ALOX5: variants seen among roughly 807,000 people sequenced by gnomAD.
ALOX5 encodes the protein arachidonate 5-lipoxygenase.
A neutral mutation model predicts 87.9 loss-of-function variants in ALOX5; 64 were observed. That is an observed-to-expected ratio of 0.73 (90% CI 0.60 to 0.90). The LOEUF (loss-of-function observed/expected upper bound fraction) is 0.90. ALOX5 is among the 40% of genes least tolerant of loss of function. ALOX5 has a pLI of 0.00. For synonymous variants in ALOX5, 388 were observed against 355.1 expected (o/e 1.09, Z -1.04); for missense variants, 822 against 907.5 (o/e 0.91, Z 1.21).
At position 45,424,072 on chromosome 10, in the gene ALOX5, C is replaced by T. The variant is rs1241415476; in HGVS notation, c.586C>T (p.His196Tyr). ...GAACCTGTTCATCAACCGCTTCATG[C>T]ACATGTTCCAGTCTTCTTGGAATGA... ...MENLFINRFMHMFQSSWNDFA... is the reference protein window; with the variant it reads ...MENLFINRFMYMFQSSWNDFA... The change falls in exon 5 of 14, where the codon CAC (histidine) becomes TAC (tyrosine). Residue 196 changes from histidine to tyrosine, a missense_variant. Physicochemically the swap from His to Tyr is moderately conservative, Grantham distance 83. Transcript: ENST00000374391. 7 of 1,614,068 alleles carry T rather than the reference C, an allele frequency of 4.3e-6. No homozygotes were observed. The highest frequency in any genetic ancestry group is 2.2e-5 in the East Asian group (1 of 44,892).
chr10:45,382,424 C>T (rs1353040282), intron 1 of ALOX5, 59 bp from the exon 2 acceptor site: 8 of 1,586,948 alleles, frequency 5.0e-6, no homozygotes, highest in Non-Finnish European at 6.9e-6. Context: ...ATTCTTAACA[C>T]CTCCAGAACA....
chr10:45,388,898 T>C (rs1840095855), intron 2 of ALOX5, among the ~76,000 whole-genome samples: 1 of 152,102 alleles, frequency 6.6e-6, no homozygotes, highest in African/African-American at 2.4e-5. Context: ...TTCTCCCAGC[T>C]AAAGAAGGAA....
rs1342015447 is a variant in ALOX5, at chr10:45,416,314, C to T, written c.554+4001C>T. Among the ~76,000 whole-genome samples the T allele has an allele frequency of 3.3e-5, 5 of 152,124 alleles. No homozygotes were observed. In the East Asian group the frequency reaches 9.6e-4, roughly 29 times the overall value. ...GCAAAACCAGGATTTGAATCCAGGT[C>T]TGTTTGTGTCCAAAGCTGGGGCATT... On this transcript the variant is annotated intron_variant, in intron 4 of 13. Transcript: ENST00000374391.
chr10:45,387,453 T>C (rs930635913), intron 2 of ALOX5, among the ~76,000 whole-genome samples: 1 of 152,194 alleles, frequency 6.6e-6, no homozygotes, highest in Admixed American at 6.5e-5. Flanking sequence ...AGGAGTAAAC[T>C]ATTCTGCAGT....
At chr10:45,442,807 C>T in intron 9 of ALOX5, 1 of 542,818 alleles carries the variant, frequency 1.8e-6, no homozygotes, top group Non-Finnish European at 3.2e-6. Flanking sequence ...TCTGCAGCCC[C>T]ACGGTTCAGT....
At chr10:45,408,328 CATGTAAGATGGACAGT>C (rs1197736229) in intron 3 of ALOX5, among the ~76,000 whole-genome samples, 2 of 152,098 alleles carry the variant, frequency 1.3e-5, no homozygotes, top group African/African-American at 4.8e-5. Flanking sequence ...TCAGTCAATA[CATGTAAGATGGACAGT>C]GGTTTGGTTT....
intron 2 of ALOX5, among the ~76,000 whole-genome samples, chr10:45,388,923 C>CA (rs142222808): frequency 0.022 from 3,414 of 151,938 alleles, 123 homozygotes; most frequent in African/African-American, 0.078. Context: ...GAACCCATCG[C>CA]AAAAAAAGCT....
chr10:45,395,865 C>T lies in ALOX5; in HGVS notation c.360C>T (p.Ala120=). The stretch of plus-strand genomic sequence containing the variant: ...GTTCTTTCTTTACAGCAAAGTTGGC[C>T]CGAGATGACCAAATTCACATTCTCA... ...VVLRDGRAKL[A]RDDQIHILKQ... The change falls in exon 3 of 14, where the codon GCC becomes GCT. Residue 120 remains alanine, a synonymous_variant. Coordinates refer to ENST00000374391, the MANE Select transcript of ALOX5 (RefSeq NM_000698.5). 6.2e-7 allele frequency: 1 copy of T among 1,614,142 alleles called. No individual in the cohort carries two copies. Among genetic ancestry groups the T allele is most frequent in the Non-Finnish European group, 8.5e-7 (1 of 1,180,022 alleles).
At chr10:45,417,194 G>A (rs554258057) in intron 4 of ALOX5, among the ~76,000 whole-genome samples, 1 of 152,192 alleles carries the variant, frequency 6.6e-6, no homozygotes, top group East Asian at 1.9e-4. Flanking sequence ...CACCTATCCT[G>A]TGGTATAGAA....
At chr10:45,412,414 G>A in intron 4 of ALOX5, 101 bp downstream of exon 4, 1 of 1,486,756 alleles carries the variant, frequency 6.7e-7, no homozygotes. Flanking sequence ...TGGGTTGGGG[G>A]AACAGCCTAG....
intron 1 of ALOX5, among the ~76,000 whole-genome samples, chr10:45,380,770 T>C (rs1382624657): frequency 2.0e-5 from 3 of 152,222 alleles, no homozygotes; most frequent in African/African-American, 7.2e-5. Flanking sequence ...GGTGAAACCC[T>C]GTCTCTACTG....
intron 7 of ALOX5, among the ~76,000 whole-genome samples, chr10:45,430,422 G>A (rs994865506): frequency 3.3e-5 from 5 of 151,330 alleles, no homozygotes; most frequent in Non-Finnish European, 7.4e-5. Context: ...TGGAAAAAAA[G>A]AGATAGAAAA....
chr10:45,424,556 C>A (rs1165752477), intron 5 of ALOX5, among the ~76,000 whole-genome samples: 1 of 152,198 alleles, frequency 6.6e-6, no homozygotes, highest in Non-Finnish European at 1.5e-5. Flanking sequence ...GCACTAGCTT[C>A]ATAGTGGCCA....
chr10:45,445,807 C>T lies in ALOX5; in HGVS notation c.*120C>T. Reference sequence around the variant, plus strand: ...CACATCTCTTCCTCCGAGGCCAGTACCTTTCCATTTATTCTTTGATCTTCA... The same window carrying T: ...CACATCTCTTCCTCCGAGGCCAGTATCTTTCCATTTATTCTTTGATCTTCA... On this transcript the variant is annotated 3_prime_UTR_variant, in exon 14 of 14. Coordinates refer to ENST00000374391, the MANE Select transcript of ALOX5 (RefSeq NM_000698.5). 4 of 1,094,758 alleles carry T rather than the reference C, an allele frequency of 3.7e-6. No individual in the cohort carries two copies. The highest frequency in any genetic ancestry group is 5.3e-6 in the Non-Finnish European group (4 of 758,016). 67.8% of individuals were successfully genotyped at this position (1,094,758 alleles called of 1,614,324 possible).
chr10:45,434,951 G>A (rs75675474), intron 7 of ALOX5, among the ~76,000 whole-genome samples: 1,524 of 152,284 alleles, frequency 0.01, 23 homozygotes, highest in East Asian at 0.053. Context: ...TTCTTTTTAC[G>A]ATAAGCACAT....
Position 45,428,732 on chromosome 10 carries a change from C to A in ALOX5, c.949C>A (p.Leu317Met). The A allele has an allele frequency of 2.5e-6, 4 of 1,614,096 alleles. No homozygotes were observed. Among genetic ancestry groups the A allele is most frequent in the Non-Finnish European group, 2.5e-6 (3 of 1,180,026 alleles). Residue 317 changes from leucine to methionine, a missense_variant, in exon 7 of 14, where the codon CTG becomes ATG. Transcript: ENST00000374391. ...AAPICLLYKNLANKIVPIAIQ... is the reference protein window; with the variant it reads ...AAPICLLYKNMANKIVPIAIQ... ...TCCCATCTGCTTGCTGTATAAGAACCTGGCCAACAAGATTGTCCCCATTGC... is the reference window on the plus strand; with the variant it reads ...TCCCATCTGCTTGCTGTATAAGAACATGGCCAACAAGATTGTCCCCATTGC...
Position 45,423,825 on chromosome 10 carries a change from G to A in ALOX5, c.555-216G>A, listed in dbSNP as rs545438522. The stretch of plus-strand genomic sequence containing the variant: ...AAGGCACTGCAGGCTATTCTGGAGG[G>A]TACTGGCCTGTCTCTTCGACAGGTG... On this transcript the variant is annotated intron_variant, in intron 4 of 13. Coordinates refer to ENST00000374391, the MANE Select transcript of ALOX5 (RefSeq NM_000698.5). Among the ~76,000 whole-genome samples, 5 of 152,286 alleles carry A rather than the reference G, an allele frequency of 3.3e-5. No individual in the cohort carries two copies. The East Asian group carries it at 9.7e-4, about 29-fold the overall frequency.
intron 1 of ALOX5, among the ~76,000 whole-genome samples, chr10:45,378,805 G>C (rs1839723533): frequency 6.6e-6 from 1 of 152,164 alleles, no homozygotes; most frequent in South Asian, 2.1e-4. Context: ...ATCATATTCA[G>C]GCTTGAAGCC....
At position 45,382,617 on chromosome 10, in the gene ALOX5, C is replaced by T; in HGVS notation, c.285C>T (p.Tyr95=). 1 of 1,614,158 alleles carries T rather than the reference C, an allele frequency of 6.2e-7. No homozygotes were observed. The highest frequency in any genetic ancestry group is 1.6e-4 in the Middle Eastern group (1 of 6,062). Residue 95 remains tyrosine, a synonymous_variant, in exon 2 of 14, where the codon TAC becomes TAT. Coordinates refer to ENST00000374391, the MANE Select transcript of ALOX5 (RefSeq NM_000698.5). ...YITLKTPHGD[Y]IEFPCYRWIT... Reference sequence around the variant, plus strand: ...CGCTGAAGACGCCCCACGGGGACTACATCGAGTTCCCCTGCTACCGCTGGA... The same window carrying T: ...CGCTGAAGACGCCCCACGGGGACTATATCGAGTTCCCCTGCTACCGCTGGA...
Sources: gnomAD v4.1 joint callset for allele counts (sites outside exome capture counted in the v4.1 genomes callset) on GRCh38, gnomAD v4.1.1 for gene constraint, MANE v1.5 for transcripts, NCBI Gene and HGNC (gene_info 2026-07-23, HGNC 2026-07-21) for gene names.